The following GRM7 variants were observed in gnomAD, a reference collection of about 807,000 sequenced individuals.
The protein encoded by GRM7 is glutamate metabotropic receptor 7.
Under a neutral mutation model 84.5 loss-of-function variants are expected in GRM7, and 35 were observed. That is an observed-to-expected ratio of 0.41 (90% CI 0.32 to 0.55). GRM7 has a LOEUF of 0.55. GRM7 is among the 20% of genes least tolerant of loss of function. GRM7 has a pLI of 0.19. For synonymous variants in GRM7, 487 were observed against 455.1 expected, an observed-to-expected ratio of 1.07 and a Z score of -0.89; for missense variants, 1,003 against 1,194.6, an observed-to-expected ratio of 0.84 and a Z score of 2.36.
At chr3:7,695,990 C>T (rs1300383790) in intron 9 of GRM7, among the ~76,000 whole-genome samples, 2 of 152,246 alleles carry the variant, frequency 1.3e-5, no homozygotes, top group East Asian at 1.9e-4. Context: ...TCAACAGGCA[C>T]ATGTAGCTAG....
chr3:7,194,832 G>A (rs1277272259), intron 2 of GRM7, among the ~76,000 whole-genome samples: 1 of 152,142 alleles, frequency 6.6e-6, no homozygotes, highest in Non-Finnish European at 1.5e-5. Flanking sequence ...AAAATATATA[G>A]TAAGCATTTG....
At chr3:7,625,219 A>C (rs1697551979) in intron 8 of GRM7, among the ~76,000 whole-genome samples, 1 of 152,140 alleles carries the variant, frequency 6.6e-6, no homozygotes, top group South Asian at 2.1e-4. Context: ...TGAGGCCAGC[A>C]ATGCGGTGGT....
At chr3:7,142,126 G>A (rs1216676294) in intron 1 of GRM7, among the ~76,000 whole-genome samples, 1 of 151,946 alleles carries the variant, frequency 6.6e-6, no homozygotes, top group Non-Finnish European at 1.5e-5. Flanking sequence ...TTAGGCTTAG[G>A]TTAGGTCAAA....
chr3:7,175,641 G>A (rs550223225), intron 2 of GRM7, among the ~76,000 whole-genome samples: 9 of 152,138 alleles, frequency 5.9e-5, no homozygotes, highest in African/African-American at 1.9e-4. Context: ...GAGTTCAAGC[G>A]ATTCTTCTGC....
At chr3:7,113,503 G>A (rs1226618639) in intron 1 of GRM7, among the ~76,000 whole-genome samples, 1 of 152,070 alleles carries the variant, frequency 6.6e-6, no homozygotes, top group Non-Finnish European at 1.5e-5. Flanking sequence ...TCTTGCCTGA[G>A]CATCCCAAAG....
chr3:7,523,727 A>C (rs1432977550), intron 7 of GRM7, among the ~76,000 whole-genome samples: 1 of 152,108 alleles, frequency 6.6e-6, no homozygotes, highest in East Asian at 1.9e-4. Flanking sequence ...CTAGTCATCA[A>C]ATTTTGCCTT....
chr3:7,707,799 G>C (rs750395618), intron 9 of GRM7, among the ~76,000 whole-genome samples: 2 of 152,116 alleles, frequency 1.3e-5, no homozygotes, highest in Non-Finnish European at 2.9e-5. Flanking sequence ...CTCTGGCCAA[G>C]CCAGAACCAT....
At chr3:7,071,125 C>T (rs978775144) in intron 1 of GRM7, among the ~76,000 whole-genome samples, 13 of 152,044 alleles carry the variant, frequency 8.6e-5, no homozygotes, top group Non-Finnish European at 1.6e-4. Context: ...CCACTAGAGT[C>T]AAGCTCATCA....
At chr3:7,499,311 A>G (rs74407521) in intron 7 of GRM7, among the ~76,000 whole-genome samples, 1,731 of 152,206 alleles carry the variant, frequency 0.011, 31 homozygotes, top group African/African-American at 0.04. Context: ...AGTTTCCACA[A>G]TGTTCTGTTC....
In GRM7 at chr3:6,933,998, A is replaced by G. The variant is rs1389162741; in HGVS notation, c.519+72091A>G. Among the ~76,000 whole-genome samples the G allele has an allele frequency of 3.3e-5, 5 of 152,172 alleles. No homozygotes were observed. In the East Asian group the frequency reaches 9.6e-4, roughly 29 times the overall value. On this transcript the variant is annotated intron_variant, in intron 1 of 9. Coordinates refer to ENST00000357716, the MANE Select transcript of GRM7 (RefSeq NM_000844.4). Reference sequence around the variant, plus strand: ...GGACAAGGTTGGGCTAAGTGAGGGAAAGTAAGGAGCTTTCCGAGCTAAGAC... The same window carrying G: ...GGACAAGGTTGGGCTAAGTGAGGGAGAGTAAGGAGCTTTCCGAGCTAAGAC...
intron 1 of GRM7, among the ~76,000 whole-genome samples, chr3:6,976,789 A>C (rs1397144968): frequency 6.6e-6 from 1 of 152,164 alleles, no homozygotes; most frequent in Non-Finnish European, 1.5e-5. Flanking sequence ...TACCATCTGC[A>C]CTGCCAAATA....
At chr3:7,333,930 A>T (rs769657241) in intron 4 of GRM7, among the ~76,000 whole-genome samples, 2 of 151,998 alleles carry the variant, frequency 1.3e-5, no homozygotes, top group Non-Finnish European at 1.5e-5. Flanking sequence ...TAAAGAATTT[A>T]AAAAATGAAC....
At chr3:7,208,026 T>G (rs1441244494) in intron 2 of GRM7, among the ~76,000 whole-genome samples, 1 of 152,148 alleles carries the variant, frequency 6.6e-6, no homozygotes, top group African/African-American at 2.4e-5. Context: ...ACAGCTGCCT[T>G]AAGATTGAAT....
intron 1 of GRM7, among the ~76,000 whole-genome samples, chr3:7,059,360 C>G (rs950513556): frequency 2.0e-5 from 3 of 151,782 alleles, no homozygotes; most frequent in Non-Finnish European, 4.4e-5. Flanking sequence ...TCTCCTTCTT[C>G]TTTCCCCCTA....
intron 4 of GRM7, among the ~76,000 whole-genome samples, chr3:7,350,916 A>T (rs376828219): frequency 6.6e-6 from 1 of 152,106 alleles, no homozygotes; most frequent in Non-Finnish European, 1.5e-5. Flanking sequence ...TGACCAAATG[A>T]TACAACCAGA....
intron 4 of GRM7, among the ~76,000 whole-genome samples, chr3:7,340,237 A>G (rs141571822): frequency 1.3e-5 from 2 of 151,968 alleles, no homozygotes; most frequent in African/African-American, 4.8e-5. Context: ...TTCAATAAAC[A>G]TATTGTATTA....
chr3:7,130,428 A>T (rs1312244052), intron 1 of GRM7, among the ~76,000 whole-genome samples: 2 of 151,972 alleles, frequency 1.3e-5, no homozygotes, highest in Non-Finnish European at 2.9e-5. Context: ...CTGTAATCCC[A>T]GGTACTTGAG....
At chr3:7,294,181 C>G (rs1699735148) in intron 2 of GRM7, among the ~76,000 whole-genome samples, 1 of 152,272 alleles carries the variant, frequency 6.6e-6, no homozygotes, top group Non-Finnish European at 1.5e-5. Flanking sequence ...CGGGTGAGCC[C>G]TCAATCCATG....
chr3:7,358,912 G>T (rs1192673249), intron 4 of GRM7, among the ~76,000 whole-genome samples: 1 of 148,518 alleles, frequency 6.7e-6, no homozygotes, highest in Non-Finnish European at 1.5e-5. Flanking sequence ...GAGGTCAGGG[G>T]TTTGAGACCA....
Sources: allele counts gnomAD v4.1 joint callset (sites outside exome capture counted in the v4.1 genomes callset), GRCh38; gene constraint gnomAD v4.1.1; transcripts MANE v1.5; gene names NCBI Gene and HGNC (gene_info 2026-07-23, HGNC 2026-07-21).